Variants in NEMP1 observed in about 807,000 individuals in gnomAD.
NEMP1 encodes the protein nuclear envelope integral membrane protein 1, also known as transmembrane protein 194.
A neutral mutation model predicts 53.7 loss-of-function variants in NEMP1; 29 were observed. The observed-to-expected ratio is 0.54, with a 90% CI of 0.40 to 0.74. The LOEUF is 0.74. Among genes scored for constraint, NEMP1 ranks in the 30% least tolerant of loss-of-function variants. The probability of loss-of-function intolerance (pLI) is 0.00; values close to 1 mark genes in which losing one functional copy is unlikely to be tolerated. For missense variants in NEMP1, 477 were observed against 528.6 expected, an observed-to-expected ratio of 0.90 and a Z score of 0.96; for synonymous variants, 193 against 192.9, an observed-to-expected ratio of 1.00 and a Z score of 0.00.
At chr12:57,078,091 G>A (rs1326121852) in intron 1 of NEMP1, among the ~76,000 whole-genome samples, 2 of 152,134 alleles carry the variant, frequency 1.3e-5, no homozygotes, top group Non-Finnish European at 2.9e-5. Flanking sequence ...GCGGGCCGGG[G>A]GCGGTAAGGA....
chr12:57,085,951 A>G (rs1349971075), intron 1 of NEMP1, among the ~76,000 whole-genome samples: 1 of 152,250 alleles, frequency 6.6e-6, no homozygotes, highest in African/African-American at 2.4e-5. Context: ...GGTCCACCAG[A>G]TAACAGGCCT....
chr12:57,077,078 A>T (rs1485968791), intron 1 of NEMP1, among the ~76,000 whole-genome samples: 1 of 152,140 alleles, frequency 6.6e-6, no homozygotes, highest in Non-Finnish European at 1.5e-5. Context: ...CATGCCTGTA[A>T]TCCCAGCACT....
intron 1 of NEMP1, among the ~76,000 whole-genome samples, chr12:57,087,564 C>T (rs2033048131): frequency 6.6e-6 from 1 of 152,110 alleles, no homozygotes; most frequent in South Asian, 2.1e-4. Flanking sequence ...TCTGCTCGTT[C>T]CCACCACCCC....
intron 2 of NEMP1, among the ~76,000 whole-genome samples, chr12:57,072,168 T>C (rs904742852): frequency 1.3e-5 from 2 of 152,202 alleles, no homozygotes; most frequent in Non-Finnish European, 2.9e-5. Flanking sequence ...CTGGGTGCGA[T>C]AGCTCATGCC....
Position 57,070,765 on chromosome 12 carries a change from G to C in NEMP1, c.381C>G (p.Thr127=). 1 of 1,606,726 alleles carries C rather than the reference G, an allele frequency of 6.2e-7. No individual in the cohort carries two copies. The highest frequency in any genetic ancestry group is 8.5e-7 in the Non-Finnish European group (1 of 1,176,050). ...TGCTGTATAGACCCACGTTAACATA[G>C]GTGTCATTCAATTTCTCTTTTAAAA... is the stretch of plus-strand genomic sequence containing the variant. ...SSFLKEKLND[T]YVNVGLYSTK... is the part of the protein sequence containing the mutation. Residue 127 remains threonine, a synonymous_variant, in exon 3 of 9, where the codon ACC becomes ACG. Coordinates refer to ENST00000300128, the MANE Select transcript of NEMP1 (RefSeq NM_001130963.2).
Position 57,063,737 on chromosome 12 carries a change from G to A in NEMP1, c.754+334C>T, listed in dbSNP as rs78894831. The stretch of plus-strand genomic sequence containing the variant: ...AATGAAGGAGAAAAAAATTAACTGC[G>A]GAGTCTTTTACTTAAGGTCCCCAAG... On this transcript the variant is annotated intron_variant, in intron 6 of 8. Coordinates refer to ENST00000300128, the MANE Select transcript of NEMP1 (RefSeq NM_001130963.2). Among the ~76,000 whole-genome samples, 1,377 of 152,148 alleles carry A rather than the reference G, an allele frequency of 9.1e-3. 23 individuals carry two copies. Among genetic ancestry groups the A allele is most frequent in the African/African-American group, 0.031 (1,290 of 41,492 alleles).
At chr12:57,087,976 G>T (rs1407559790) in exon 1 of NEMP1, 1 of 152,230 alleles carries the variant, frequency 6.6e-6, no homozygotes, top group African/African-American at 2.4e-5. Flanking sequence ...GAAACCAAAG[G>T]GGGAGACGGT....
chr12:57,069,229 C>T lies in NEMP1; in HGVS notation c.545+5G>A. The T allele has an allele frequency of 6.5e-7, 1 of 1,541,810 alleles. No homozygotes were observed. Among genetic ancestry groups the T allele is most frequent in the Non-Finnish European group, 8.7e-7 (1 of 1,143,410 alleles). On this transcript the variant is annotated splice_donor_5th_base_variant and intron_variant, in intron 4 of 8. Coordinates refer to ENST00000300128, the MANE Select transcript of NEMP1 (RefSeq NM_001130963.2). The stretch of plus-strand genomic sequence containing the variant: ...TTCATTCTGCACACTAGCCTTGGAA[C>T]CTACCTGCTCAGCAAGTCTCCACAA...
Position 57,063,270 on chromosome 12 carries a change from T to C in NEMP1, c.829A>G (p.Ile277Val), listed in dbSNP as rs759460045. ...TGCAAGGTCCAGGTCAGCAGGTTGATACTTCGTTCATTCTCCAAGGGCCCA... is the reference window on the plus strand; with the variant it reads ...TGCAAGGTCCAGGTCAGCAGGTTGACACTTCGTTCATTCTCCAAGGGCCCA... ...KYGPLENERS[I>V]NLLTWTLQLM... is the part of the protein sequence containing the mutation. Residue 277 changes from isoleucine to valine, a missense_variant, in exon 7 of 9, where the codon ATC becomes GTC. Coordinates refer to ENST00000300128, the MANE Select transcript of NEMP1 (RefSeq NM_001130963.2). 15 of 1,614,214 alleles carry C rather than the reference T, an allele frequency of 9.3e-6. No individual in the cohort carries two copies. Among genetic ancestry groups the C allele is most frequent in the Non-Finnish European group, 1.1e-5 (13 of 1,180,034 alleles).
intron 4 of NEMP1, among the ~76,000 whole-genome samples, chr12:57,068,404 T>A (rs2032195506): frequency 6.6e-6 from 1 of 151,796 alleles, no homozygotes; most frequent in African/African-American, 2.4e-5. Flanking sequence ...CAGGTTGAAG[T>A]ACAGTGGTGT....
Position 57,070,691 on chromosome 12 carries a change from C to G in NEMP1, c.455G>C (p.Ser152Thr). The G allele has an allele frequency of 6.4e-7, 1 of 1,553,716 alleles. No individual in the cohort carries two copies. Among genetic ancestry groups the G allele is most frequent in the Middle Eastern group, 1.7e-4 (1 of 5,990 alleles). Reference sequence around the variant, plus strand: ...AGACTTACTCCGGATCACAATGACACTGTACTTGGTGTCCTTCTCTATAAT... The same window carrying G: ...AGACTTACTCCGGATCACAATGACAGTGTACTTGGTGTCCTTCTCTATAAT... ...VEIIEKDTKY[S>T]VIVIRRFDPK... Residue 152 changes from serine (S) to threonine (T), a missense_variant, in exon 3 of 9, where the codon AGT becomes ACT. Physicochemically the swap from Ser to Thr is moderately conservative, Grantham distance 58 (BLOSUM62 1). Transcript: ENST00000300128.
At chr12:57,075,833 T>C (rs902159145) in intron 1 of NEMP1, among the ~76,000 whole-genome samples, 10 of 151,472 alleles carry the variant, frequency 6.6e-5, no homozygotes, top group African/African-American at 1.9e-4. Flanking sequence ...CCGGGCATGG[T>C]GGCACACACC....
upstream of NEMP1, among the ~76,000 whole-genome samples, chr12:57,079,921 C>T (rs1270893818): frequency 6.6e-6 from 1 of 152,106 alleles, no homozygotes; most frequent in African/African-American, 2.4e-5. Context: ...CAGGGATGCA[C>T]CACCATGCCC....
At chr12:57,068,994 C>T (rs370090838) in intron 4 of NEMP1, among the ~76,000 whole-genome samples, 5 of 152,314 alleles carry the variant, frequency 3.3e-5, no homozygotes, top group African/African-American at 1.2e-4. Flanking sequence ...TATTGGCTAA[C>T]TCCTATCAAC....
Position 57,063,272 on chromosome 12 carries a change from C to G in NEMP1, c.827G>C (p.Ser276Thr). 1 of 1,614,192 alleles carries G rather than the reference C, an allele frequency of 6.2e-7. No homozygotes were observed. The highest frequency in any genetic ancestry group is 2.2e-5 in the East Asian group (1 of 44,890). The change falls in exon 7 of 9, where the codon AGT becomes ACT. Residue 276 changes from serine to threonine, a missense_variant. Transcript: ENST00000300128. The part of the protein sequence containing the change: ...YKYGPLENER[S>T]INLLTWTLQL... The stretch of plus-strand genomic sequence containing the variant: ...CAAGGTCCAGGTCAGCAGGTTGATA[C>G]TTCGTTCATTCTCCAAGGGCCCATA...
intron 1 of NEMP1, among the ~76,000 whole-genome samples, chr12:57,087,107 C>A (rs1448543736): frequency 6.6e-6 from 1 of 152,256 alleles, no homozygotes; most frequent in Non-Finnish European, 1.5e-5. Flanking sequence ...TCTGGCCGAG[C>A]ACCCCCTCTC....
At chr12:57,072,173 C>T in intron 2 of NEMP1, among the ~76,000 whole-genome samples, 1 of 152,178 alleles carries the variant, frequency 6.6e-6, no homozygotes, top group Non-Finnish European at 1.5e-5. Context: ...TGCGATAGCT[C>T]ATGCCTATAA....
chr12:57,057,991 A>G lies in NEMP1; in HGVS notation c.*1888T>C, dbSNP rs2031610080. 6.6e-6 allele frequency: 1 copy of G among 152,222 alleles called. No homozygotes were observed. Among genetic ancestry groups the G allele is most frequent in the South Asian group, 2.1e-4 (1 of 4,834 alleles). 9.4% of individuals were successfully genotyped at this position (152,222 alleles called of 1,614,324 possible). ...AATAAGGTAAAAAATAGTATATTTC[A>G]GAAGTTTTAATAGTTCTTTGTAGAG... On this transcript the variant is annotated 3_prime_UTR_variant, in exon 9 of 9. Transcript: ENST00000300128.
intron 4 of NEMP1, among the ~76,000 whole-genome samples, chr12:57,067,274 A>G (rs1432150243): frequency 1.3e-5 from 2 of 151,894 alleles, no homozygotes; most frequent in African/African-American, 4.8e-5. Flanking sequence ...CAGTGAGCCG[A>G]GATCGCGTCA....
Sources: allele counts gnomAD v4.1 joint callset (sites outside exome capture counted in the v4.1 genomes callset), GRCh38; gene constraint gnomAD v4.1.1; transcripts MANE v1.5; gene names NCBI Gene and HGNC (gene_info 2026-07-23, HGNC 2026-07-21).